ADAM28: variants seen among roughly 807,000 people sequenced by gnomAD.
ADAM28 encodes disintegrin and metalloproteinase domain-containing protein 28.
In ADAM28, 105 loss-of-function variants were observed where a neutral mutation model predicts 101.2. That is an observed-to-expected ratio of 1.04 (90% CI 0.89 to 1.22). ADAM28 has a LOEUF of 1.22. Ranked by LOEUF, ADAM28 falls within the 50% of genes most tolerant of loss-of-function variation. The probability of loss-of-function intolerance (pLI) is 0.00; values close to 1 mark genes in which losing one functional copy is unlikely to be tolerated. For synonymous variants in ADAM28, 322 were observed against 310.6 expected (o/e 1.04, Z -0.39); for missense variants, 1,028 against 945.4 (o/e 1.09, Z -1.15).
At chr8:24,340,243 C>A (rs1199198648) in intron 15 of ADAM28, among the ~76,000 whole-genome samples, 1 of 152,140 alleles carries the variant, frequency 6.6e-6, no homozygotes, top group African/African-American at 2.4e-5. Flanking sequence ...TAATATATAA[C>A]AAGAGGTTGC....
intron 5 of ADAM28, among the ~76,000 whole-genome samples, chr8:24,312,410 A>T (rs1432379976): frequency 6.6e-6 from 1 of 152,024 alleles, no homozygotes; most frequent in Non-Finnish European, 1.5e-5. Flanking sequence ...TCCCTTACCA[A>T]GTCTTATTGA....
intron 2 of ADAM28, among the ~76,000 whole-genome samples, chr8:24,308,147 A>G (rs1809951702): frequency 6.6e-6 from 1 of 152,134 alleles, no homozygotes; most frequent in Non-Finnish European, 1.5e-5. Flanking sequence ...ACTCAGTAAA[A>G]CCAAAATCAT....
chr8:24,339,258 T>G (rs1408099072), intron 14 of ADAM28, among the ~76,000 whole-genome samples: 1 of 152,202 alleles, frequency 6.6e-6, no homozygotes, highest in East Asian at 1.9e-4. Flanking sequence ...TTATTTGTAA[T>G]TCCAGCCAGC....
At position 24,322,128 on chromosome 8, in the gene ADAM28, C is replaced by T. The variant is rs77460934; in HGVS notation, c.720+839C>T. On this transcript the variant is annotated intron_variant, in intron 8 of 22. Coordinates refer to ENST00000265769, the MANE Select transcript of ADAM28 (RefSeq NM_014265.6). ...ATGAAATAAAAAAATAATACATTTC[C>T]TTTTTATGCTGATGGGAATTATTTG... Among the ~76,000 whole-genome samples the T allele has an allele frequency of 2.2e-3, 328 of 151,978 alleles. 1 individual carries two copies. The highest frequency in any genetic ancestry group is 7.5e-3 in the African/African-American group (312 of 41,478).
intron 21 of ADAM28, among the ~76,000 whole-genome samples, chr8:24,353,390 A>G (rs966655263): frequency 1.3e-5 from 2 of 151,476 alleles, no homozygotes; most frequent in African/African-American, 4.9e-5. Flanking sequence ...TGTGCCTGGT[A>G]TTCTGCTGTG....
Position 24,351,321 on chromosome 8 carries a change from T to C in ADAM28, c.2178+11T>C, listed in dbSNP as rs377458590. 2.0e-5 allele frequency: 32 copies of C among 1,612,050 alleles called. No homozygotes were observed. In the African/African-American group the frequency reaches 3.7e-4, roughly 19 times the overall value. On this transcript the variant is annotated intron_variant, in intron 20 of 22. Transcript: ENST00000265769. ...GTTCAACCCCAAGAGGTGAACTATA[T>C]AGTCTGGGCTGTGATTACCATGGCC...
chr8:24,328,771 T>C (rs1225314447), intron 10 of ADAM28, among the ~76,000 whole-genome samples: 1 of 151,792 alleles, frequency 6.6e-6, no homozygotes, highest in Non-Finnish European at 1.5e-5. Flanking sequence ...CTACTGAAAA[T>C]ACAAAAAAAT....
At position 24,355,790 on chromosome 8, in the gene ADAM28, A is replaced by G. The variant is rs1045035387; in HGVS notation, c.*1386A>G. 2.0e-5 allele frequency: 3 copies of G among 152,002 alleles called. No homozygotes were observed. The highest frequency in any genetic ancestry group is 4.8e-5 in the African/African-American group (2 of 41,398). 9.4% of individuals were successfully genotyped at this position (152,002 alleles called of 1,614,324 possible). ...GTACTCCTTATTATATGAGCCATAC[A>G]TTTTCCTTGTTGTTTAAGCCATTTT... On this transcript the variant is annotated 3_prime_UTR_variant, in exon 23 of 23. Coordinates refer to ENST00000265769, the MANE Select transcript of ADAM28 (RefSeq NM_014265.6).
At position 24,350,049 on chromosome 8, in the gene ADAM28, A is replaced by G. The variant is rs897241133; in HGVS notation, c.2099+77A>G. Reference sequence around the variant, plus strand: ...TTACTTTAAATTCAATGTATAACCTATCCTTTCAAATTGAATTGGTTTACT... The same window carrying G: ...TTACTTTAAATTCAATGTATAACCTGTCCTTTCAAATTGAATTGGTTTACT... On this transcript the variant is annotated intron_variant, in intron 19 of 22. Transcript: ENST00000265769. 67 of 1,227,296 alleles carry G rather than the reference A, an allele frequency of 5.5e-5. No individual in the cohort carries two copies. In the African/African-American group the frequency reaches 9.5e-4, roughly 17 times the overall value. The allele number at this position is 1,227,296 out of a possible 1,614,324, so 76.0% of individuals were successfully genotyped here. A position where few individuals can be genotyped will look rare whatever the true frequency, so the allele number is the denominator to read the frequency against.
chr8:24,341,958 G>T (rs185907759), intron 16 of ADAM28, among the ~76,000 whole-genome samples: 112 of 152,288 alleles, frequency 7.4e-4, no homozygotes, highest in African/African-American at 2.6e-3. Flanking sequence ...AATAAGCACT[G>T]ACATTAACAT....
chr8:24,319,805 T>C (rs17051856), intron 6 of ADAM28, among the ~76,000 whole-genome samples: 14,970 of 151,816 alleles, frequency 0.099, 939 homozygotes, highest in East Asian at 0.25. Flanking sequence ...GCACCATTGA[T>C]AACGGAGCAT....
At position 24,335,563 on chromosome 8, in the gene ADAM28, T is replaced by C. The variant is rs1813915974; in HGVS notation, c.1489T>C (p.Cys497Arg). Residue 497 changes from cysteine (C) to arginine (R), a missense_variant, in exon 14 of 23, where the codon TGC becomes CGC. Coordinates refer to ENST00000265769, the MANE Select transcript of ADAM28 (RefSeq NM_014265.6). ...DDRFQVNGFP[C>R]HHGKGHCLMG... The stretch of plus-strand genomic sequence containing the variant: ...TAGATTCCAAGTCAATGGCTTCCCT[T>C]GCCATCACGGGAAGGGCCACTGCTT... The C allele has an allele frequency of 6.2e-7, 1 of 1,613,912 alleles. No homozygotes were observed. Among genetic ancestry groups the C allele is most frequent in the South Asian group, 1.1e-5 (1 of 91,050 alleles).
chr8:24,297,154 T>C (rs1808071791), intron 1 of ADAM28, among the ~76,000 whole-genome samples: 2 of 146,464 alleles, frequency 1.4e-5, no homozygotes, highest in Admixed American at 1.4e-4. Flanking sequence ...AAAGAAATGT[T>C]GTGGGTTTTT....
Position 24,339,564 on chromosome 8 carries a change from G to A in ADAM28, c.1666G>A (p.Ala556Thr). 6.2e-7 allele frequency: 1 copy of A among 1,610,924 alleles called. No homozygotes were observed. The stretch of plus-strand genomic sequence containing the variant: ...GGATGACACACTCATTCCCTGCAAA[G>A]CAAAGTAAGTGGCCTTGTCTGAACC... The part of the protein sequence containing the change: ...RVDDTLIPCK[A>T]NDTMCGKLFC... Residue 556 changes from alanine (A) to threonine (T), a missense_variant, in exon 15 of 23, where the codon GCA (alanine) becomes ACA (threonine). Coordinates refer to ENST00000265769, the MANE Select transcript of ADAM28 (RefSeq NM_014265.6).
chr8:24,298,953 A>T (rs1347265587), intron 1 of ADAM28, among the ~76,000 whole-genome samples: 1 of 151,726 alleles, frequency 6.6e-6, no homozygotes, highest in Non-Finnish European at 1.5e-5. Context: ...GCACTTTGGG[A>T]GGCCGAGCCA....
chr8:24,335,669 C>G (rs773433832), intron 14 of ADAM28, 28 bp downstream of exon 14: 4 of 1,540,278 alleles, frequency 2.6e-6, no homozygotes. Context: ...TTCCCCTGTG[C>G]ATGTGCGAAG....
intron 21 of ADAM28, among the ~76,000 whole-genome samples, chr8:24,352,881 T>A (rs1237580657): frequency 6.6e-6 from 1 of 152,116 alleles, no homozygotes; most frequent in African/African-American, 2.4e-5. Context: ...AGCCAGATTT[T>A]CCACCACCGC....
At chr8:24,329,884 TGTGAGA>T (rs1179414555) in intron 10 of ADAM28, 95 bp from the exon 11 acceptor site, 733 of 706,608 alleles carry the variant, frequency 1.0e-3, no homozygotes, top group Middle Eastern at 6.5e-3. Flanking sequence ...TGTGTGTGTG[TGTGAGA>T]GAGAGAGAGA....
rs373906140 is a variant in ADAM28 at position 24,324,405 on chromosome 8, G to A, written c.890+402G>A. Among the ~76,000 whole-genome samples the A allele has an allele frequency of 1.1e-3, 167 of 152,030 alleles. 4 individuals are homozygous for A. The South Asian group carries it at 0.034, about 31-fold the overall frequency. On this transcript the variant is annotated intron_variant, in intron 9 of 22. Transcript: ENST00000265769. The stretch of plus-strand genomic sequence containing the variant: ...AATTTATTTCCCACTGAAATGACCT[G>A]TTAAGAACAACAGGGGAAATAAATC...
Sources: allele counts gnomAD v4.1 joint callset (sites outside exome capture counted in the v4.1 genomes callset), GRCh38; gene constraint gnomAD v4.1.1; transcripts MANE v1.5; gene names NCBI Gene and HGNC (gene_info 2026-07-23, HGNC 2026-07-21).